POR: variants seen among roughly 807,000 people sequenced by gnomAD.
The protein encoded by POR is NADPH--cytochrome P450 reductase.
Under a neutral mutation model 84.0 loss-of-function variants are expected in POR, and 56 were observed. That is an observed-to-expected ratio of 0.67 (90% CI 0.54 to 0.83). POR has a LOEUF of 0.83. Among genes scored for constraint, POR ranks in the 40% least tolerant of loss-of-function variants. The probability of loss-of-function intolerance (pLI) is 0.00; values close to 1 mark genes in which losing one functional copy is unlikely to be tolerated. For missense variants in POR, 938 were observed against 944.3 expected (o/e 0.99, Z 0.09); for synonymous variants, 414 against 400.5 (o/e 1.03, Z -0.40).
At chr7:75,920,680 G>A (rs953767711) in intron 1 of POR, among the ~76,000 whole-genome samples, 5 of 152,004 alleles carry the variant, frequency 3.3e-5, no homozygotes, top group African/African-American at 1.2e-4. Context: ...TTTGATCTTC[G>A]TGGGCATGCA....
intron 1 of POR, among the ~76,000 whole-genome samples, chr7:75,952,426 C>T (rs1465448295): frequency 2.8e-5 from 4 of 144,614 alleles, no homozygotes; most frequent in African/African-American, 1.0e-4. Flanking sequence ...GACCCCCCCA[C>T]CTCCCTCCCG....
Position 75,985,841 on chromosome 7 carries a change from G to A in POR, c.1661G>A (p.Arg554Gln), listed in dbSNP as rs781960466. The A allele has an allele frequency of 9.0e-6, 14 of 1,549,872 alleles. No homozygotes were observed. The highest frequency in any genetic ancestry group is 2.4e-5 in the East Asian group (1 of 42,074). ...TTCATCCAGGAGCGGGCCTGGCTGC[G>A]ACAGCAGGGTGAGTGGGGTCCCATG... Residue 554 changes from arginine (R) to glutamine (Q), a missense_variant, in exon 13 of 16, where the codon CGA (arginine) becomes CAA (glutamine). Transcript: ENST00000461988.
intron 2 of POR, among the ~76,000 whole-genome samples, chr7:75,957,258 G>T (rs1787728803): frequency 6.6e-6 from 1 of 152,166 alleles, no homozygotes; most frequent in Non-Finnish European, 1.5e-5. Flanking sequence ...TGTTGGGCAG[G>T]TTCTTAAAGG....
rs539245771 is a variant in POR, at chr7:75,975,814, A to ATTTTTTTTTTTTTTTTTTT, written c.237+3370_237+3371insTTTTTTTTTTTTTTTTTTT. ...TGTTGAGGAAAAAAAAGCTGTTCAG[A>ATTTTTTTTTTTTTTTTTTT]TTTTTTTTTTTTTTTTTGGTAGAGA... On this transcript the variant is annotated intron_variant, in intron 3 of 15. Coordinates refer to ENST00000461988, the MANE Select transcript of POR (RefSeq NM_000941.3). 3.7e-5 allele frequency among the ~76,000 whole-genome samples: 3 copies of ATTTTTTTTTTTTTTTTTTT among 82,184 alleles called. 1 individual carries two copies. The highest frequency in any genetic ancestry group is 7.0e-5 in the Non-Finnish European group (3 of 42,602). 53.9% of individuals were successfully genotyped at this position (82,184 alleles called of 152,430 possible). A position where few individuals can be genotyped will look rare whatever the true frequency, so the allele number is the denominator to read the frequency against.
intron 2 of POR, among the ~76,000 whole-genome samples, chr7:75,955,780 G>A (rs1485981816): frequency 6.6e-6 from 1 of 152,152 alleles, no homozygotes. Flanking sequence ...GTCAGTTCCA[G>A]TCCAAGGCTG....
intron 1 of POR, among the ~76,000 whole-genome samples, chr7:75,927,480 AAC>A (rs869231460): frequency 6.6e-6 from 1 of 151,926 alleles, no homozygotes; most frequent in Non-Finnish European, 1.5e-5. Flanking sequence ...CAACAAAAAA[AAC>A]CCCAAAAAAC....
chr7:75,952,358 C>T (rs1585103835), intron 1 of POR, among the ~76,000 whole-genome samples: 2 of 137,644 alleles, frequency 1.5e-5, no homozygotes, highest in Non-Finnish European at 3.1e-5. Context: ...CCAGTAGGGG[C>T]GGCTGGGCAG....
chr7:75,969,965 G>C (rs1563423366), intron 2 of POR, among the ~76,000 whole-genome samples: 1 of 152,198 alleles, frequency 6.6e-6, no homozygotes, highest in Non-Finnish European at 1.5e-5. Flanking sequence ...GCGTTGCTGC[G>C]TGAGGGGCAG....
intron 1 of POR, among the ~76,000 whole-genome samples, chr7:75,927,141 G>C (rs1471829845): frequency 6.6e-6 from 1 of 152,178 alleles, no homozygotes; most frequent in Non-Finnish European, 1.5e-5. Context: ...TGTTGGACAA[G>C]GTCCTTTAAC....
At chr7:75,977,544 G>T (rs1169269431) in intron 3 of POR, among the ~76,000 whole-genome samples, 5 of 152,250 alleles carry the variant, frequency 3.3e-5, no homozygotes, top group African/African-American at 1.2e-4. Flanking sequence ...GGGAGGCCAA[G>T]GTGGGCAGAT....
At chr7:75,956,214 G>A (rs187984466) in intron 2 of POR, among the ~76,000 whole-genome samples, 6 of 152,238 alleles carry the variant, frequency 3.9e-5, no homozygotes, top group Admixed American at 1.3e-4. Context: ...CAGAAGAATC[G>A]CTTGAACCCA....
intron 2 of POR, among the ~76,000 whole-genome samples, chr7:75,959,551 G>C (rs1426572092): frequency 2.0e-5 from 3 of 152,182 alleles, no homozygotes; most frequent in African/African-American, 4.8e-5. Context: ...TGCCTCTGGG[G>C]CTCAAGCGAT....
At position 75,985,211 on chromosome 7, in the gene POR, A is replaced by C. The variant is rs1276945678; in HGVS notation, c.1398+4A>C. 6.3e-7 allele frequency: 1 copy of C among 1,585,686 alleles called. No homozygotes were observed. The highest frequency in any genetic ancestry group is 8.5e-7 in the Non-Finnish European group (1 of 1,170,600). On this transcript the variant is annotated splice_donor_region_variant and intron_variant, in intron 12 of 15. Transcript: ENST00000461988. ...CTCCATCGCCTCATCCTCCAAGGTG[A>C]GGGCCGGCACTGCCCTGCCAGCCAC...
chr7:75,952,886 C>G (rs1787509867), intron 1 of POR, among the ~76,000 whole-genome samples: 1 of 151,320 alleles, frequency 6.6e-6, no homozygotes. Context: ...GATGGGCAGC[C>G]AGGCAGAGAC....
chr7:75,983,755 A>G lies in POR; in HGVS notation c.965A>G (p.His322Arg), dbSNP rs1554558527. The G allele has an allele frequency of 1.2e-6, 2 of 1,612,286 alleles. No individual in the cohort carries two copies. Among genetic ancestry groups the G allele is most frequent in the East Asian group, 4.5e-5 (2 of 44,854 alleles). Residue 322 changes from histidine to arginine, a missense_variant, in exon 10 of 16, where the codon CAC (histidine) becomes CGC (arginine). By Grantham distance (29) the His-to-Arg change is conservative. Coordinates refer to ENST00000461988, the MANE Select transcript of POR (RefSeq NM_000941.3). ...CCCTCCAGGTATGAATCTGGGGACC[A>G]CGTGGCTGTGTACCCAGCCAACGAC...
intron 1 of POR, among the ~76,000 whole-genome samples, chr7:75,948,566 A>G (rs782133569): frequency 1.4e-4 from 21 of 152,232 alleles, no homozygotes; most frequent in Non-Finnish European, 2.6e-4. Flanking sequence ...AGAGGAGGGA[A>G]TAGAGTCAGC....
chr7:75,978,585 G>A (rs918039010), intron 3 of POR, among the ~76,000 whole-genome samples: 4 of 152,146 alleles, frequency 2.6e-5, no homozygotes, highest in African/African-American at 2.4e-5. Context: ...GTGCAATGGC[G>A]CGATCTCGGC....
rs1342347689 is a variant in POR at position 75,972,596 on chromosome 7, G to A, written c.237+135G>A. ...CAGGAGAGGGAACGCAGCCCGGCTC[G>A]CTTGGGAGTCATTCTTGCCTAACCA... On this transcript the variant is annotated intron_variant, in intron 3 of 15. Transcript: ENST00000461988. The A allele has an allele frequency of 1.2e-4, 97 of 818,402 alleles. No individual in the cohort carries two copies. In the Admixed American group the frequency reaches 1.2e-3, roughly 10 times the overall value. 50.7% of individuals were successfully genotyped at this position (818,402 alleles called of 1,614,324 possible). A position where few individuals can be genotyped will look rare whatever the true frequency, so the allele number is the denominator to read the frequency against.
At chr7:75,975,618 C>A (rs782530935) in intron 3 of POR, among the ~76,000 whole-genome samples, 1 of 152,062 alleles carries the variant, frequency 6.6e-6, no homozygotes, top group Non-Finnish European at 1.5e-5. Context: ...ACAGCTACAC[C>A]CTGTGTCAAA....
Sources: gnomAD v4.1 joint callset for allele counts (sites outside exome capture counted in the v4.1 genomes callset) on GRCh38, gnomAD v4.1.1 for gene constraint, MANE v1.5 for transcripts, NCBI Gene and HGNC (gene_info 2026-07-23, HGNC 2026-07-21) for gene names.